Variants in NAV2 observed in about 807,000 individuals in gnomAD.
NAV2 encodes the protein helicase, APC down-regulated 1.
A neutral mutation model predicts 223.2 loss-of-function variants in NAV2; 54 were observed. That is an observed-to-expected ratio of 0.24 (90% CI 0.19 to 0.30). The LOEUF (loss-of-function observed/expected upper bound fraction) is 0.30. NAV2 is among the 10% of genes least tolerant of loss of function. NAV2 has a pLI of 1.00. For missense variants in NAV2, 2,806 were observed against 3,147.5 expected (o/e 0.89, Z 2.60); for synonymous variants, 1,279 against 1,239.3 (o/e 1.03, Z -0.67).
At chr11:19,716,474 A>C (rs954758843) in intron 1 of NAV2, among the ~76,000 whole-genome samples, 2 of 152,232 alleles carry the variant, frequency 1.3e-5, no homozygotes, top group Non-Finnish European at 2.9e-5. Context: ...AAAAGTAGCT[A>C]TTTATATTGC....
chr11:19,822,964 T>A (rs1024485534), intron 1 of NAV2, among the ~76,000 whole-genome samples: 1 of 152,116 alleles, frequency 6.6e-6, no homozygotes, highest in Non-Finnish European at 1.5e-5. Flanking sequence ...CTCAAAGGCG[T>A]GTCACAAAAT....
intron 1 of NAV2, among the ~76,000 whole-genome samples, chr11:19,677,034 T>G (rs2048734065): frequency 6.6e-6 from 1 of 152,118 alleles, no homozygotes; most frequent in Non-Finnish European, 1.5e-5. Context: ...AAGGAAAGAA[T>G]CAAGACTGCC....
At chr11:19,529,375 C>G (rs2043952375) in intron 1 of NAV2, among the ~76,000 whole-genome samples, 1 of 152,178 alleles carries the variant, frequency 6.6e-6, no homozygotes, top group South Asian at 2.1e-4. Context: ...GCTGGGGGTA[C>G]AGCTGCTCCC....
chr11:20,076,354 G>T (rs959003146), intron 22 of NAV2, among the ~76,000 whole-genome samples: 6 of 152,196 alleles, frequency 3.9e-5, no homozygotes, highest in African/African-American at 1.4e-4. Context: ...TGTACCAGCA[G>T]TGTGGATACA....
At chr11:20,017,905 TTA>T (rs1263437562) in intron 11 of NAV2, among the ~76,000 whole-genome samples, 1 of 152,154 alleles carries the variant, frequency 6.6e-6, no homozygotes, top group African/African-American at 2.4e-5. Context: ...TTTTAAACCT[TTA>T]TGTTTTCCTT....
rs774582268 is a variant in NAV2, at chr11:20,107,656, G to C, written c.6842-8G>C. The C allele has an allele frequency of 6.2e-7, 1 of 1,610,282 alleles. No homozygotes were observed. Among genetic ancestry groups the C allele is most frequent in the Admixed American group, 1.7e-5 (1 of 59,992 alleles). On this transcript the variant is annotated splice_region_variant and splice_polypyrimidine_tract_variant and intron_variant, in intron 35 of 37. Transcript: ENST00000349880. ...TGAGTGCTAATGTATTTTCACTGTGGTCTCCAGGCCCCCGGCTCTTCCTGT... is the reference window on the plus strand; with the variant it reads ...TGAGTGCTAATGTATTTTCACTGTGCTCTCCAGGCCCCCGGCTCTTCCTGT...
chr11:19,495,983 C>A (rs2042781841), intron 1 of NAV2, among the ~76,000 whole-genome samples: 1 of 152,132 alleles, frequency 6.6e-6, no homozygotes, highest in African/African-American at 2.4e-5. Context: ...GGGATCACAT[C>A]ATCCCACCTC....
At chr11:19,943,462 C>G (rs979737363) in intron 8 of NAV2, among the ~76,000 whole-genome samples, 1 of 152,174 alleles carries the variant, frequency 6.6e-6, no homozygotes, top group Non-Finnish European at 1.5e-5. Context: ...TTGGAAAGCA[C>G]TTGCATTTTC....
chr11:20,052,524 C>A (rs1479172603), intron 17 of NAV2, among the ~76,000 whole-genome samples: 3 of 152,170 alleles, frequency 2.0e-5, no homozygotes, highest in Non-Finnish European at 4.4e-5. Flanking sequence ...GACTTTGATG[C>A]CCCACTGGTG....
intron 8 of NAV2, among the ~76,000 whole-genome samples, chr11:19,941,990 C>G (rs1329559371): frequency 6.6e-6 from 1 of 152,192 alleles, no homozygotes; most frequent in Non-Finnish European, 1.5e-5. Flanking sequence ...TTGATATCCT[C>G]CAAGCTCAGT....
chr11:19,923,399 ATT>A (rs1172899522), intron 6 of NAV2, among the ~76,000 whole-genome samples: 2 of 151,998 alleles, frequency 1.3e-5, no homozygotes, highest in Non-Finnish European at 2.9e-5. Context: ...CAAAAAAAAA[ATT>A]ATTTGACTAC....
At chr11:19,533,780 C>T (rs1215055689) in intron 1 of NAV2, among the ~76,000 whole-genome samples, 2 of 143,344 alleles carry the variant, frequency 1.4e-5, no homozygotes, top group African/African-American at 2.9e-5. Flanking sequence ...GATCTCGGCT[C>T]ACTGCAAGCT....
intron 1 of NAV2, among the ~76,000 whole-genome samples, chr11:19,633,090 C>T (rs1240121848): frequency 6.6e-6 from 1 of 152,104 alleles, no homozygotes; most frequent in Non-Finnish European, 1.5e-5. Context: ...GTCTGTTCAT[C>T]GCAGTGCCTG....
At position 19,478,334 on chromosome 11, in the gene NAV2, C is replaced by T. The variant is rs79989507; in HGVS notation, c.75+127307C>T. On this transcript the variant is annotated intron_variant, in intron 1 of 37. Transcript: ENST00000360655. Reference sequence around the variant, plus strand: ...CTGAGGGTGACTGGACAGGGAGACCCGGAGCCCGGTGCCTGCAAAAATTGC... The same window carrying T: ...CTGAGGGTGACTGGACAGGGAGACCTGGAGCCCGGTGCCTGCAAAAATTGC... Among the ~76,000 whole-genome samples, 28 of 152,104 alleles carry T rather than the reference C, an allele frequency of 1.8e-4. No homozygotes were observed. The East Asian group carries it at 2.9e-3, about 16-fold the overall frequency.
intron 3 of NAV2, among the ~76,000 whole-genome samples, chr11:19,861,592 T>A (rs923536001): frequency 1.3e-5 from 2 of 152,222 alleles, no homozygotes; most frequent in Non-Finnish European, 2.9e-5. Context: ...GCCACTGGGG[T>A]AATTGCTGAG....
intron 1 of NAV2, among the ~76,000 whole-genome samples, chr11:19,781,832 A>T (rs2056772739): frequency 6.6e-6 from 1 of 152,120 alleles, no homozygotes; most frequent in Non-Finnish European, 1.5e-5. Context: ...TAAGGTGTAC[A>T]GTGTGATGAT....
rs954896059 is a variant in NAV2, at chr11:20,051,518, A to G, written c.4481+185A>G. Among the ~76,000 whole-genome samples the G allele has an allele frequency of 1.9e-4, 29 of 152,030 alleles. 1 individual carries two copies. Among genetic ancestry groups the G allele is most frequent in the Admixed American group, 1.4e-3 (21 of 15,272 alleles). On this transcript the variant is annotated intron_variant, in intron 17 of 37. Coordinates refer to ENST00000349880, the MANE Select transcript of NAV2 (RefSeq NM_145117.5). The stretch of plus-strand genomic sequence containing the variant: ...GTTCTCACTCTCCATTTGTCAGCTT[A>G]TTTGCTTGAGCAGGGGCTGTGCTTT...
intron 1 of NAV2, among the ~76,000 whole-genome samples, chr11:19,776,511 A>G (rs887022603): frequency 2.0e-5 from 3 of 151,686 alleles, no homozygotes; most frequent in African/African-American, 7.3e-5. Context: ...GGAAATACCC[A>G]AACTCTGTCC....
Position 19,636,591 on chromosome 11 carries a change from C to T in NAV2, c.76-195893C>T, listed in dbSNP as rs574725558. Among the ~76,000 whole-genome samples, 9 of 151,534 alleles carry T rather than the reference C, an allele frequency of 5.9e-5. No individual in the cohort carries two copies. The East Asian group carries it at 7.8e-4, about 13-fold the overall frequency. The stretch of plus-strand genomic sequence containing the variant: ...CTGCAAGCTCCGCCTCCCGGGTTCA[C>T]GCCATTCTCCTGCCTCAGCCTCCCG... On this transcript the variant is annotated intron_variant, in intron 1 of 37. Coordinates refer to the NAV2 transcript ENST00000360655.
Sources: allele counts gnomAD v4.1 joint callset (sites outside exome capture counted in the v4.1 genomes callset), GRCh38; gene constraint gnomAD v4.1.1; transcripts MANE v1.5; gene names NCBI Gene and HGNC (gene_info 2026-07-23, HGNC 2026-07-21).